CACNA1B: variants seen among roughly 807,000 people sequenced by gnomAD.
The protein encoded by CACNA1B is voltage-dependent N-type calcium channel subunit alpha-1B.
CACNA1B carries 70 observed loss-of-function variants against 247.2 expected under a neutral mutation model. The observed-to-expected ratio is 0.28, with a 90% CI of 0.23 to 0.35. The LOEUF is 0.35. CACNA1B is among the 10% of genes least tolerant of loss of function. The pLI, the probability that CACNA1B is intolerant of heterozygous loss-of-function variation, is 1.00. For missense variants in CACNA1B, 2,367 were observed against 3,197.4 expected (o/e 0.74, Z 6.26); for synonymous variants, 1,231 against 1,294.4 (o/e 0.95, Z 1.05).
chr9:138,091,441 T>C (rs1378711858), intron 36 of CACNA1B, among the ~76,000 whole-genome samples: 1 of 152,166 alleles, frequency 6.6e-6, no homozygotes, highest in African/African-American at 2.4e-5. Flanking sequence ...AAAGTACAGC[T>C]AGACAGGTGA....
rs74312742 is a variant in CACNA1B, at chr9:138,110,857, A to G, written c.5429-1541A>G. ...AGAACTGTCACAACTCCCTAAGAAAATAACCCAACCAAAACAGACAAAAGA... is the reference window on the plus strand; with the variant it reads ...AGAACTGTCACAACTCCCTAAGAAAGTAACCCAACCAAAACAGACAAAAGA... On this transcript the variant is annotated intron_variant, in intron 39 of 46. Coordinates refer to ENST00000371372, the MANE Select transcript of CACNA1B (RefSeq NM_000718.4). Among the ~76,000 whole-genome samples the G allele has an allele frequency of 2.6e-3, 400 of 152,352 alleles. 5 individuals are homozygous for G. The East Asian group carries it at 0.037, about 14-fold the overall frequency.
At chr9:137,982,721 T>C (rs1958307890) in intron 12 of CACNA1B, among the ~76,000 whole-genome samples, 1 of 152,220 alleles carries the variant, frequency 6.6e-6, no homozygotes, top group Non-Finnish European at 1.5e-5. Flanking sequence ...GATTTGCTAG[T>C]GCAGAGAAAA....
At chr9:138,092,201 C>T (rs191420388) in intron 36 of CACNA1B, among the ~76,000 whole-genome samples, 20 of 152,136 alleles carry the variant, frequency 1.3e-4, no homozygotes, top group Non-Finnish European at 2.2e-4. Context: ...AGCAGACAAC[C>T]GGTCTGACTA....
chr9:137,909,583 A>G (rs547817769), intron 3 of CACNA1B, among the ~76,000 whole-genome samples: 1 of 152,152 alleles, frequency 6.6e-6, no homozygotes, highest in South Asian at 2.1e-4. Context: ...CATGCCCCAC[A>G]TTGTGCGCAC....
rs770172440 is a variant in CACNA1B at position 138,006,827 on chromosome 9, G to A, written c.2035G>A (p.Val679Ile). 5.6e-6 allele frequency: 9 copies of A among 1,611,422 alleles called. No individual in the cohort carries two copies. Among genetic ancestry groups the A allele is most frequent in the African/African-American group, 1.3e-5 (1 of 74,872 alleles). ...TCACGGGATCGAATCGCAAGGCGGC[G>A]TCAGCAAAGGCATGTTCTCGTCCTT... ...MYHGIESQGG[V>I]SKGMFSSFYF... is the part of the protein sequence containing the mutation. The change falls in exon 16 of 47, where the codon GTC (valine) becomes ATC (isoleucine). Residue 679 changes from valine (V) to isoleucine (I), a missense_variant. Physicochemically the swap from Val to Ile is conservative, Grantham distance 29. Transcript: ENST00000371372.
In CACNA1B at chr9:138,000,520, T is replaced by C. The variant is rs76918343; in HGVS notation, c.1975-6247T>C. On this transcript the variant is annotated intron_variant, in intron 15 of 46. Coordinates refer to ENST00000371372, the MANE Select transcript of CACNA1B (RefSeq NM_000718.4). The stretch of plus-strand genomic sequence containing the variant: ...ACAGACAGTCAAAGTTCTCTTCCTA[T>C]CTTTCTGCCTCCTGCCTGGGGCCCA... Among the ~76,000 whole-genome samples the C allele has an allele frequency of 8.0e-3, 1,216 of 152,334 alleles. 19 individuals are homozygous for C. Among genetic ancestry groups the C allele is most frequent in the African/African-American group, 0.028 (1,163 of 41,558 alleles).
At chr9:138,089,798 A>G (rs150879247) in intron 36 of CACNA1B, among the ~76,000 whole-genome samples, 10 of 152,368 alleles carry the variant, frequency 6.6e-5, no homozygotes, top group East Asian at 1.9e-4. Flanking sequence ...AGTAAAATCA[A>G]TGTACAAAAA....
rs372476293 is a variant in CACNA1B, at chr9:138,037,615, C to T, written c.3287-6159C>T. Among the ~76,000 whole-genome samples, 101 of 151,842 alleles carry T rather than the reference C, an allele frequency of 6.7e-4. 2 individuals carry two copies. Among genetic ancestry groups the T allele is most frequent in the African/African-American group, 2.2e-3 (90 of 41,306 alleles). Reference sequence around the variant, plus strand: ...CGGAGGTTGCAGTGAGCTGAGATCGCGCCATTTCACTCCAGCCTGGGCAAC... The same window carrying T: ...CGGAGGTTGCAGTGAGCTGAGATCGTGCCATTTCACTCCAGCCTGGGCAAC... On this transcript the variant is annotated intron_variant, in intron 20 of 46. Coordinates refer to ENST00000371372, the MANE Select transcript of CACNA1B (RefSeq NM_000718.4).
chr9:138,075,409 C>T (rs10780200), intron 34 of CACNA1B, among the ~76,000 whole-genome samples: 90,450 of 151,928 alleles, frequency 0.6, 30,073 homozygotes, highest in Non-Finnish European at 0.73. Context: ...GGCTAAAAAG[C>T]CCGTTGTACT....
chr9:138,112,697 C>T (rs1256138896), intron 40 of CACNA1B, among the ~76,000 whole-genome samples, 192 bp downstream of exon 40: 4 of 152,140 alleles, frequency 2.6e-5, no homozygotes, highest in Admixed American at 2.0e-4. Context: ...CAGAGATGAG[C>T]GTGGGTTTGT....
intron 3 of CACNA1B, chr9:137,890,570 C>T (rs1196529660): frequency 1.3e-5 from 2 of 150,528 alleles, no homozygotes; most frequent in African/African-American, 4.8e-5. Flanking sequence ...CCCCATGCCA[C>T]AGGATCCACT....
At chr9:137,960,125 G>GAC (rs1242598424) in intron 10 of CACNA1B, among the ~76,000 whole-genome samples, 30 of 142,366 alleles carry the variant, frequency 2.1e-4, no homozygotes, top group African/African-American at 2.9e-4. Flanking sequence ...ACTACTCTCA[G>GAC]GCCGACCTGG....
At chr9:138,099,856 G>A (rs190141377) in intron 37 of CACNA1B, among the ~76,000 whole-genome samples, 1 of 152,358 alleles carries the variant, frequency 6.6e-6, no homozygotes, top group African/African-American at 2.4e-5. Flanking sequence ...CTGGTGACTT[G>A]AGAGGAGAAT....
chr9:137,978,895 G>A (rs1223314491), intron 12 of CACNA1B, among the ~76,000 whole-genome samples: 2 of 152,168 alleles, frequency 1.3e-5, no homozygotes, highest in Non-Finnish European at 2.9e-5. Flanking sequence ...GAAGGCAGTG[G>A]CCATCCAGGG....
chr9:137,914,096 T>C lies in CACNA1B; in HGVS notation c.623-558T>C, dbSNP rs887433000. ...CTTTCTCCCAAGGAGTTGGGTCTGT[T>C]AGGAATACCTGTACTTCTCCCCCAG... On this transcript the variant is annotated intron_variant, in intron 4 of 46. Coordinates refer to ENST00000371372, the MANE Select transcript of CACNA1B (RefSeq NM_000718.4). This position sits in a 1 kb window ranked among gnomAD's most constrained non-coding sequence, Gnocchi z 4.3. Among the ~76,000 whole-genome samples the C allele has an allele frequency of 1.3e-5, 2 of 152,120 alleles. No individual in the cohort carries two copies. Among genetic ancestry groups the C allele is most frequent in the African/African-American group, 4.8e-5 (2 of 41,418 alleles).
rs761920601 is a variant in CACNA1B at position 138,120,838 on chromosome 9, C to T, written c.6446C>T (p.Pro2149Leu). ...CCCAAGCCCTCCCTCAGCAGCCACC[C>T]AACGTCGCCAACAGCTGGCCAGGAG... Reference protein sequence around the residue: ...PKPKPSLSSHPTSPTAGQEPG... With the variant: ...PKPKPSLSSHLTSPTAGQEPG... Residue 2149 changes from proline to leucine, a missense_variant, in exon 46 of 47, where the codon CCA becomes CTA. Physicochemically the swap from Pro to Leu is moderately conservative, Grantham distance 98. This residue lies in a region of CACNA1B where 773 missense variants were observed against 779.4 expected (regional missense o/e 0.99). Transcript: ENST00000371372. The T allele has an allele frequency of 2.5e-6, 4 of 1,571,970 alleles. No individual in the cohort carries two copies. The highest frequency in any genetic ancestry group is 3.5e-6 in the Non-Finnish European group (4 of 1,158,872).
intron 15 of CACNA1B, among the ~76,000 whole-genome samples, chr9:137,995,146 T>C (rs745496803): frequency 6.6e-6 from 1 of 150,378 alleles, no homozygotes; most frequent in African/African-American, 2.5e-5. Context: ...AGGTGAAAGT[T>C]GCAGTGAACC....
At position 138,047,573 on chromosome 9, in the gene CACNA1B, G is replaced by A. The variant is rs148389924; in HGVS notation, c.3603+115G>A. 290 of 724,122 alleles carry A rather than the reference G, an allele frequency of 4.0e-4. No homozygotes were observed. The African/African-American group carries it at 4.3e-3, about 11-fold the overall frequency. 44.9% of individuals were successfully genotyped at this position (724,122 alleles called of 1,614,324 possible). A position where few individuals can be genotyped will look rare whatever the true frequency, so the allele number is the denominator to read the frequency against. Reference sequence around the variant, plus strand: ...TTTCTATAAACTCTTAAGACATATGGTAGGTGTGTGCGTACTGGGTGTGTG... The same window carrying A: ...TTTCTATAAACTCTTAAGACATATGATAGGTGTGTGCGTACTGGGTGTGTG... On this transcript the variant is annotated intron_variant, in intron 23 of 46. Coordinates refer to ENST00000371372, the MANE Select transcript of CACNA1B (RefSeq NM_000718.4).
At chr9:138,080,260 G>T (rs1476234287) in intron 36 of CACNA1B, among the ~76,000 whole-genome samples, 1 of 152,176 alleles carries the variant, frequency 6.6e-6, no homozygotes, top group African/African-American at 2.4e-5. Flanking sequence ...CAAAGCTGGG[G>T]ACAGAGGAGG....
Sources: gnomAD v4.1 joint callset for allele counts (sites outside exome capture counted in the v4.1 genomes callset) on GRCh38, gnomAD v4.1.1 for gene constraint, gnomAD v4.1.1 regional missense constraint, Gnocchi (gnomAD v3.1) non-coding constraint, MANE v1.5 for transcripts, NCBI Gene and HGNC (gene_info 2026-07-23, HGNC 2026-07-21) for gene names.